Variants in KLRG1 observed in about 807,000 individuals in gnomAD.
KLRG1 encodes killer cell lectin like receptor G1.
KLRG1 carries 16 observed loss-of-function variants against 21.8 expected under a neutral mutation model. The observed-to-expected ratio is 0.73, with a 90% CI of 0.50 to 1.11. The LOEUF (loss-of-function observed/expected upper bound fraction) is 1.11, where lower values mean the gene tolerates loss of function less well. Among genes scored for constraint, KLRG1 ranks in the 50% most tolerant of loss-of-function variants. KLRG1 has a pLI of 0.00. For synonymous variants in KLRG1, 69 were observed against 75.9 expected, an observed-to-expected ratio of 0.91 and a Z score of 0.47; for missense variants, 173 against 218.3, an observed-to-expected ratio of 0.79 and a Z score of 1.31.
chr12:9,181,747 G>C, the KLRG1 span, among the ~76,000 whole-genome samples: 1 of 152,154 alleles, frequency 6.6e-6, no homozygotes, highest in Non-Finnish European at 1.5e-5. Flanking sequence ...AATCAGCAGA[G>C]AAGAGCATCA....
chr12:9,036,445 T>G, the KLRG1 span: 1 of 169,408 alleles, frequency 5.9e-6, no homozygotes, highest in Non-Finnish European at 1.3e-5. Context: ...ACAAAGGATT[T>G]GGTTTGGGGT....
the KLRG1 span, among the ~76,000 whole-genome samples, chr12:9,030,437 C>T: frequency 1.3e-5 from 2 of 151,850 alleles, no homozygotes; most frequent in Admixed American, 6.6e-5. Flanking sequence ...CATGGAGTCT[C>T]GCACTGTTGC....
the KLRG1 span, chr12:9,115,984 C>T: frequency 1.3e-6 from 1 of 743,774 alleles, no homozygotes; most frequent in South Asian, 1.5e-5. Context: ...TCCACCCACA[C>T]AAGATCTCTA....
At chr12:9,193,764 A>G in the KLRG1 span, among the ~76,000 whole-genome samples, 1 of 152,124 alleles carries the variant, frequency 6.6e-6, no homozygotes, top group Non-Finnish European at 1.5e-5. Context: ...AGTGACCTGG[A>G]AAAAATAACA....
the KLRG1 span, among the ~76,000 whole-genome samples, chr12:9,206,394 T>C: frequency 3.3e-5 from 5 of 152,152 alleles, no homozygotes; most frequent in Non-Finnish European, 5.9e-5. Flanking sequence ...TTAACAGATA[T>C]TGAAATCAGA....
the KLRG1 span, among the ~76,000 whole-genome samples, chr12:9,175,830 GA>G: frequency 5.3e-5 from 8 of 150,738 alleles, no homozygotes; most frequent in South Asian, 2.1e-4. Flanking sequence ...AGGTTGCAGA[GA>G]AAAAGGAATG....
chr12:9,192,646 A>G, the KLRG1 span: 3 of 1,614,116 alleles, frequency 1.9e-6, no homozygotes, highest in East Asian at 2.2e-5. Flanking sequence ...CTTCCACTTA[A>G]GGAGAAAACA....
At chr12:9,058,366 T>A in the KLRG1 span, 1 of 152,206 alleles carries the variant, frequency 6.6e-6, no homozygotes, top group Non-Finnish European at 1.5e-5. Context: ...TTACCAACTT[T>A]CAACATGGCT....
chr12:9,080,163 C>G, the KLRG1 span: 2 of 1,582,736 alleles, frequency 1.3e-6, no homozygotes, highest in Non-Finnish European at 1.7e-6. Flanking sequence ...GATAATTCTT[C>G]AGAAACCTCA....
chr12:9,100,005 T>C, the KLRG1 span, among the ~76,000 whole-genome samples: 3 of 152,234 alleles, frequency 2.0e-5, no homozygotes, highest in Admixed American at 6.5e-5. Flanking sequence ...TCCTTCAGTC[T>C]GCTATGGTGC....
At chr12:9,093,511 G>C in the KLRG1 span, 1 of 1,613,756 alleles carries the variant, frequency 6.2e-7, no homozygotes, top group East Asian at 2.2e-5. Context: ...AAGTACTTTC[G>C]TACGGTCTCC....
chr12:9,018,648 C>A, the KLRG1 span, among the ~76,000 whole-genome samples: 1 of 148,714 alleles, frequency 6.7e-6, no homozygotes, highest in Non-Finnish European at 1.5e-5. Flanking sequence ...TGAGACCAGC[C>A]TGGGCAACAT....
the KLRG1 span, chr12:9,166,880 C>T: frequency 1.3e-4 from 20 of 152,284 alleles, no homozygotes; most frequent in African/African-American, 4.6e-4. Flanking sequence ...ATTTTGTCCA[C>T]GTTGTGCCTG....
the KLRG1 span, chr12:9,107,383 A>G: frequency 1.9e-6 from 2 of 1,053,584 alleles, no homozygotes; most frequent in Non-Finnish European, 2.7e-6. Flanking sequence ...TAAGTTCATG[A>G]TTTTTTTTGA....
the KLRG1 span, among the ~76,000 whole-genome samples, chr12:9,102,720 A>T: frequency 6.6e-6 from 1 of 152,178 alleles, no homozygotes. Flanking sequence ...TATTTTGGTG[A>T]CAACACATAT....
downstream of KLRG1, among the ~76,000 whole-genome samples, chr12:9,014,556 A>G (rs1458125966): frequency 2.0e-5 from 3 of 152,172 alleles, no homozygotes; most frequent in East Asian, 3.9e-4. Flanking sequence ...TCCCAAACAA[A>G]CAAAAGCAGA....
At chr12:9,031,636 C>G in the KLRG1 span, among the ~76,000 whole-genome samples, 1 of 152,202 alleles carries the variant, frequency 6.6e-6, no homozygotes, top group African/African-American at 2.4e-5. Flanking sequence ...TGGCCCACGA[C>G]GCAGCCCTCA....
At chr12:8,957,230 C>G (rs778295634) in intron 1 of KLRG1, among the ~76,000 whole-genome samples, 1 of 152,290 alleles carries the variant, frequency 6.6e-6, no homozygotes, top group Admixed American at 6.5e-5. Flanking sequence ...AGTAGCCCTC[C>G]CTTCTCCTCA....
At chr12:9,184,326 C>T in the KLRG1 span, among the ~76,000 whole-genome samples, 1 of 152,188 alleles carries the variant, frequency 6.6e-6, no homozygotes, top group African/African-American at 2.4e-5. Context: ...ACAAACCCAC[C>T]CCTAGCCATG....
Sources: gnomAD v4.1 joint callset for allele counts (sites outside exome capture counted in the v4.1 genomes callset) on GRCh38, gnomAD v4.1.1 for gene constraint, MANE v1.5 for transcripts, NCBI Gene and HGNC (gene_info 2026-07-23, HGNC 2026-07-21) for gene names.